Variants in CCDC33 observed in about 807,000 individuals in gnomAD.
CCDC33 encodes coiled-coil domain containing 33.
CCDC33 carries 94 observed loss-of-function variants against 91.9 expected under a neutral mutation model. The ratio of observed to expected loss-of-function variants is 1.02; its 90% confidence interval spans 0.87 to 1.21. The LOEUF (loss-of-function observed/expected upper bound fraction) is 1.21, where lower values mean the gene tolerates loss of function less well. Ranked by LOEUF, CCDC33 falls within the 50% of genes most tolerant of loss-of-function variation. CCDC33 has a pLI of 0.00. For missense variants in CCDC33, 940 were observed against 935.5 expected (o/e 1.00, Z -0.06); for synonymous variants, 396 against 374.5 (o/e 1.06, Z -0.66).
At chr15:74,207,245 G>A (rs1402260408) in intron 1 of CCDC33, among the ~76,000 whole-genome samples, 2 of 152,188 alleles carry the variant, frequency 1.3e-5, no homozygotes, top group Non-Finnish European at 2.9e-5. Context: ...AAGGAATGGG[G>A]AAGGCCAGCA....
intron 11 of CCDC33, among the ~76,000 whole-genome samples, chr15:74,309,827 TG>T (rs1476801327): frequency 2.0e-5 from 3 of 152,154 alleles, no homozygotes; most frequent in African/African-American, 7.2e-5. Flanking sequence ...CAGAACAGCC[TG>T]GACTTTAAGT....
intron 2 of CCDC33, among the ~76,000 whole-genome samples, chr15:74,211,823 T>C (rs1428022948): frequency 6.6e-6 from 1 of 152,094 alleles, no homozygotes; most frequent in African/African-American, 2.4e-5. Context: ...TGACTCAGTC[T>C]CCCTCCTTTC....
intron 7 of CCDC33, among the ~76,000 whole-genome samples, chr15:74,275,794 C>A (rs747595466): frequency 2.6e-5 from 4 of 152,102 alleles, no homozygotes; most frequent in Non-Finnish European, 5.9e-5. Flanking sequence ...CTCAGCCTCC[C>A]GAGTATCTGG....
intron 1 of CCDC33, 94 bp downstream of exon 1, chr15:74,236,834 A>G: frequency 7.9e-7 from 1 of 1,258,484 alleles, no homozygotes; most frequent in Non-Finnish European, 1.1e-6. Context: ...AATCATGACA[A>G]AAGCTTCCCT....
exon 1 of CCDC33, chr15:74,203,096 C>T (rs759731164): frequency 5.4e-5 from 53 of 985,436 alleles, no homozygotes; most frequent in Non-Finnish European, 6.3e-5. Context: ...CAGCAACAAC[C>T]GAGTGAGACG....
At chr15:74,332,521 C>A (rs1301131476) in intron 15 of CCDC33, among the ~76,000 whole-genome samples, 158 bp from the exon 16 acceptor site, 2 of 152,168 alleles carry the variant, frequency 1.3e-5, no homozygotes, top group African/African-American at 2.4e-5. Context: ...AGAAGGACAG[C>A]CTGTGTGCAC....
chr15:74,212,919 A>C (rs982418736), upstream of CCDC33: 1 of 152,094 alleles, frequency 6.6e-6, no homozygotes, highest in Non-Finnish European at 1.5e-5. Context: ...GCCACAAATA[A>C]ATTCTCAGGC....
intron 10 of CCDC33, among the ~76,000 whole-genome samples, chr15:74,286,580 T>G (rs1232552913): frequency 1.3e-5 from 2 of 152,176 alleles, no homozygotes; most frequent in Non-Finnish European, 2.9e-5. Context: ...CATCAGTTCC[T>G]GCCTCTCTGC....
chr15:74,284,875 C>G (rs573755607), intron 10 of CCDC33, among the ~76,000 whole-genome samples: 1 of 152,390 alleles, frequency 6.6e-6, no homozygotes, highest in East Asian at 1.9e-4. Flanking sequence ...TGGTATTCAT[C>G]TCTGCATCCT....
chr15:74,283,737 T>C (rs1459839844), intron 10 of CCDC33, among the ~76,000 whole-genome samples: 4 of 151,526 alleles, frequency 2.6e-5, no homozygotes, highest in African/African-American at 4.9e-5. Flanking sequence ...GGGATCAGGA[T>C]TGGGTGTGTA....
At chr15:74,301,988 T>C (rs1047959460) in intron 11 of CCDC33, 1 of 152,030 alleles carries the variant, frequency 6.6e-6, no homozygotes, top group East Asian at 1.9e-4. Context: ...TACCAGGAGA[T>C]GAATAATTGA....
intron 1 of CCDC33, 197 bp from the exon 2 acceptor site, chr15:74,243,788 T>C: frequency 1.5e-6 from 1 of 649,498 alleles, no homozygotes; most frequent in South Asian, 1.5e-5. Context: ...CTACTAAAAA[T>C]ACAAAAATTA....
rs375016786 is a variant in CCDC33 at position 74,304,991 on chromosome 15, G to T, written c.1290+9043G>T. Among the ~76,000 whole-genome samples the T allele has an allele frequency of 6.3e-4, 96 of 151,988 alleles. 3 individuals are homozygous for T. In the South Asian group the frequency reaches 0.018, roughly 29 times the overall value. On this transcript the variant is annotated intron_variant, in intron 11 of 18. Transcript: ENST00000398814. ...CAGAGTCTTGCTCTGTCACCCAGGAGGGAGTAGTGCAATGGCGTGATCTCA... is the reference window on the plus strand; with the variant it reads ...CAGAGTCTTGCTCTGTCACCCAGGATGGAGTAGTGCAATGGCGTGATCTCA...
At chr15:74,255,130 C>CT (rs1436817492) in intron 2 of CCDC33, among the ~76,000 whole-genome samples, 1 of 63,596 alleles carries the variant, frequency 1.6e-5, no homozygotes, top group East Asian at 2.5e-4. Context: ...CTGGATCCAG[C>CT]CCTCTCCTGA....
intron 1 of CCDC33, among the ~76,000 whole-genome samples, chr15:74,238,812 C>A (rs1032943976): frequency 2.0e-5 from 3 of 152,146 alleles, no homozygotes; most frequent in Non-Finnish European, 4.4e-5. Flanking sequence ...GATCCACATC[C>A]AAGGAAGCAT....
upstream of CCDC33, among the ~76,000 whole-genome samples, chr15:74,233,244 G>T (rs34004794): frequency 0.14 from 21,034 of 152,254 alleles, 2,058 homozygotes; most frequent in Non-Finnish European, 0.21. Context: ...TGAGGCAGGG[G>T]CGTGGGACCA....
At chr15:74,332,994 G>A in intron 16 of CCDC33, 149 bp downstream of exon 16, 2 of 938,260 alleles carry the variant, frequency 2.1e-6, no homozygotes, top group South Asian at 1.7e-5. Flanking sequence ...CAGCTCTCAG[G>A]CCTTGGTCTT....
At chr15:74,247,012 G>A (rs1274148322) in intron 2 of CCDC33, among the ~76,000 whole-genome samples, 4 of 152,008 alleles carry the variant, frequency 2.6e-5, no homozygotes, top group East Asian at 3.9e-4. Flanking sequence ...GAGCGTGGTA[G>A]CAGGCACCTG....
chr15:74,333,015 G>A (rs2060473770), intron 16 of CCDC33, 170 bp downstream of exon 16: 22 of 797,664 alleles, frequency 2.8e-5, no homozygotes, highest in South Asian at 2.2e-4. Context: ...TTTCTCCTGC[G>A]GAATGTGTGT....
Sources: allele counts gnomAD v4.1 joint callset (sites outside exome capture counted in the v4.1 genomes callset), GRCh38; gene constraint gnomAD v4.1.1; transcripts MANE v1.5; gene names NCBI Gene and HGNC (gene_info 2026-07-23, HGNC 2026-07-21).